The following SPAG17 variants were observed in gnomAD, a reference collection of about 807,000 sequenced individuals.
The protein encoded by SPAG17 is sperm-associated antigen 17.
A neutral mutation model predicts 273.6 loss-of-function variants in SPAG17; 169 were observed. That is an observed-to-expected ratio of 0.62 (90% CI 0.55 to 0.70). The LOEUF (loss-of-function observed/expected upper bound fraction) is 0.70, where lower values mean the gene tolerates loss of function less well. SPAG17 is among the 30% of genes least tolerant of loss of function. SPAG17 has a pLI of 0.00. For synonymous variants in SPAG17, 825 were observed against 873.2 expected, an observed-to-expected ratio of 0.94 and a Z score of 0.97; for missense variants, 2,557 against 2,627.8, an observed-to-expected ratio of 0.97 and a Z score of 0.59.
intron 29 of SPAG17, among the ~76,000 whole-genome samples, chr1:118,014,171 G>A (rs994146685): frequency 6.6e-6 from 1 of 152,170 alleles, no homozygotes; most frequent in Non-Finnish European, 1.5e-5. Flanking sequence ...CTATAAAATG[G>A]AAACAATAGT....
At chr1:118,040,612 T>G in intron 22 of SPAG17, 118 bp downstream of exon 22, 1 of 668,764 alleles carries the variant, frequency 1.5e-6, no homozygotes, top group African/African-American at 1.8e-5. Flanking sequence ...GGCACCTAAA[T>G]GTATTGTGGG....
rs774243787 is a variant in SPAG17, at chr1:117,955,395, CA to C, written c.*1-1347del. The C allele has an allele frequency of 6.3e-6, 10 of 1,595,992 alleles. No homozygotes were observed. In the African/African-American group the frequency reaches 1.3e-4, roughly 21 times the overall value. ...CTTGCGCACAATTTTTGTAATCTGT[CA>C]GCAAACATTTATGAAGTGCTTATCT... On this transcript the variant is annotated intron_variant, in intron 48 of 48. Coordinates refer to ENST00000336338, the MANE Select transcript of SPAG17 (RefSeq NM_206996.4).
intron 15 of SPAG17, among the ~76,000 whole-genome samples, chr1:118,076,733 ATT>A: frequency 6.6e-6 from 1 of 150,966 alleles, no homozygotes; most frequent in African/African-American, 2.4e-5. Flanking sequence ...AGTAAAAATC[ATT>A]TTTTTTTCTT....
At chr1:117,994,641 A>G in intron 34 of SPAG17, 111 bp from the exon 35 acceptor site, 6 of 1,113,556 alleles carry the variant, frequency 5.4e-6, no homozygotes, top group Non-Finnish European at 7.6e-6. Context: ...TTAGACATGA[A>G]AGACTAATGA....
chr1:118,039,542 C>G (rs532410632), intron 22 of SPAG17, 98 bp from the exon 23 acceptor site: 2 of 1,277,418 alleles, frequency 1.6e-6, no homozygotes, highest in South Asian at 2.6e-5. Flanking sequence ...AACAAACACA[C>G]GAACAGAAAA....
intron 17 of SPAG17, among the ~76,000 whole-genome samples, chr1:118,070,003 G>A (rs942260290): frequency 5.9e-5 from 9 of 152,172 alleles, no homozygotes; most frequent in African/African-American, 2.2e-4. Context: ...AGTAAGGACT[G>A]AGAAAAACTG....
At chr1:118,115,670 C>T (rs548262323) in intron 3 of SPAG17, among the ~76,000 whole-genome samples, 4 of 152,052 alleles carry the variant, frequency 2.6e-5, no homozygotes, top group Admixed American at 2.6e-4. Flanking sequence ...ACTTCTTTTT[C>T]CAATAAGGCA....
At chr1:118,031,511 A>C (rs1194069838) in intron 25 of SPAG17, among the ~76,000 whole-genome samples, 181 bp downstream of exon 25, 3 of 152,130 alleles carry the variant, frequency 2.0e-5, no homozygotes, top group Admixed American at 6.5e-5. Context: ...TGGAGTGGTA[A>C]CCCAACTTTT....
intron 1 of SPAG17, among the ~76,000 whole-genome samples, chr1:118,170,590 G>C (rs1004162872): frequency 1.6e-4 from 25 of 152,158 alleles, no homozygotes; most frequent in African/African-American, 6.0e-4. Context: ...AAATATTTAT[G>C]AAATGAAATA....
intron 4 of SPAG17, among the ~76,000 whole-genome samples, chr1:118,110,923 C>A (rs543892478): frequency 6.6e-6 from 1 of 152,240 alleles, no homozygotes; most frequent in African/African-American, 2.4e-5. Flanking sequence ...CCAGCTCTTC[C>A]ACTGAGAGTA....
chr1:118,019,725 T>C (rs1660321836), intron 28 of SPAG17, among the ~76,000 whole-genome samples: 1 of 152,304 alleles, frequency 6.6e-6, no homozygotes, highest in Admixed American at 6.5e-5. Flanking sequence ...TAAAGACCGT[T>C]AGATTATCCT....
intron 32 of SPAG17, among the ~76,000 whole-genome samples, chr1:118,003,813 C>G (rs892295640): frequency 1.9e-4 from 29 of 152,194 alleles, no homozygotes; most frequent in African/African-American, 6.5e-4. Context: ...AAGCCTACTT[C>G]TGTCAACTCA....
At chr1:118,094,219 T>G (rs1414079049) in intron 7 of SPAG17, among the ~76,000 whole-genome samples, 2 of 152,222 alleles carry the variant, frequency 1.3e-5, no homozygotes, top group Non-Finnish European at 2.9e-5. Context: ...CTTGCCCAAA[T>G]TCTGGCATAG....
intron 20 of SPAG17, among the ~76,000 whole-genome samples, chr1:118,050,998 A>G (rs555712741): frequency 1.1e-4 from 17 of 152,336 alleles, no homozygotes; most frequent in African/African-American, 3.6e-4. Flanking sequence ...TGCAACTGAT[A>G]AGGAGTTAAT....
intron 4 of SPAG17, among the ~76,000 whole-genome samples, chr1:118,111,521 C>T (rs935728009): frequency 6.7e-6 from 1 of 148,700 alleles, no homozygotes; most frequent in Non-Finnish European, 1.5e-5. Flanking sequence ...CTGTAATTTC[C>T]TGGTATGTCC....
In SPAG17 at chr1:118,041,950, CT is replaced by C; in HGVS notation, c.2906del (p.Lys969ArgfsTer15). 1 of 1,613,922 alleles carries C rather than the reference CT, an allele frequency of 6.2e-7. No homozygotes were observed. The highest frequency in any genetic ancestry group is 1.1e-5 in the South Asian group (1 of 91,070). On this transcript the variant is annotated frameshift_variant, in exon 21 of 49. Transcript: ENST00000336338. LOFTEE classifies it high-confidence loss of function. The stretch of plus-strand genomic sequence containing the variant: ...CTTTCTCTGCGTTATCCTTGCCTTT[CT>C]TTTTACCAGCTTCTTTACCCTTCTT... ...AEKKGKEAGK[K>X]KGKDNAEKED...
chr1:118,084,661 T>C lies in SPAG17; in HGVS notation c.1762+1261A>G, dbSNP rs541052109. On this transcript the variant is annotated intron_variant, in intron 13 of 48. Coordinates refer to ENST00000336338, the MANE Select transcript of SPAG17 (RefSeq NM_206996.4). ...TCAGCAACATGCTGACAGTGGGCTC[T>C]CTATTCATCTGTGTATCTCTAGGTG... Among the ~76,000 whole-genome samples, 13 of 152,338 alleles carry C rather than the reference T, an allele frequency of 8.5e-5. No homozygotes were observed. In the South Asian group the frequency reaches 2.7e-3, roughly 32 times the overall value.
At chr1:118,147,179 G>C (rs947631680) in intron 3 of SPAG17, among the ~76,000 whole-genome samples, 1 of 152,100 alleles carries the variant, frequency 6.6e-6, no homozygotes, top group African/African-American at 2.4e-5. Context: ...TAGAGTCTTT[G>C]CTTCTTGAGG....
chr1:118,087,762 T>G (rs1435979477), intron 10 of SPAG17, among the ~76,000 whole-genome samples: 1 of 152,234 alleles, frequency 6.6e-6, no homozygotes, highest in Non-Finnish European at 1.5e-5. Context: ...CCCTATATCC[T>G]ATAATCATCC....
Sources: gnomAD v4.1 joint callset for allele counts (sites outside exome capture counted in the v4.1 genomes callset) on GRCh38, gnomAD v4.1.1 for gene constraint, MANE v1.5 for transcripts, NCBI Gene and HGNC (gene_info 2026-07-23, HGNC 2026-07-21) for gene names.